ZFHX3: variants seen among roughly 807,000 people sequenced by gnomAD.
The protein encoded by ZFHX3 is zinc finger homeobox protein 3.
In ZFHX3, 42 loss-of-function variants were observed where a neutral mutation model predicts 279.1. The ratio of observed to expected loss-of-function variants is 0.15; its 90% confidence interval spans 0.12 to 0.19. The LOEUF (loss-of-function observed/expected upper bound fraction) is 0.19, where lower values mean the gene tolerates loss of function less well. Among genes scored for constraint, ZFHX3 ranks in the 10% least tolerant of loss-of-function variants. ZFHX3 has a pLI of 1.00. For synonymous variants in ZFHX3, 2,293 were observed against 1,957.8 expected, an observed-to-expected ratio of 1.17 and a Z score of -4.52; for missense variants, 4,981 against 4,754.0, an observed-to-expected ratio of 1.05 and a Z score of -1.40.
At chr16:73,483,617 G>T (rs1319259920) in intron 2 of ZFHX3, among the ~76,000 whole-genome samples, 1 of 152,060 alleles carries the variant, frequency 6.6e-6, no homozygotes, top group Non-Finnish European at 1.5e-5. Context: ...AAGGGAGAGT[G>T]GGGGGCGGGG....
chr16:73,157,809 C>G (rs1029067713), intron 5 of ZFHX3, among the ~76,000 whole-genome samples: 1 of 152,028 alleles, frequency 6.6e-6, no homozygotes, highest in Non-Finnish European at 1.5e-5. Context: ...TGTGGGCTGC[C>G]ATGGACGCCA....
At chr16:73,188,843 C>T (rs1043704204) in intron 5 of ZFHX3, among the ~76,000 whole-genome samples, 1 of 150,994 alleles carries the variant, frequency 6.6e-6, no homozygotes, top group African/African-American at 2.4e-5. Flanking sequence ...TACAGGGAGG[C>T]TAGCGTCTGG....
At chr16:73,428,425 T>C (rs2017849477) in intron 3 of ZFHX3, among the ~76,000 whole-genome samples, 1 of 152,070 alleles carries the variant, frequency 6.6e-6, no homozygotes, top group South Asian at 2.1e-4. Context: ...GACAATCTTA[T>C]TACCACAGAA....
chr16:73,090,577 C>T (rs761372672), intron 8 of ZFHX3, among the ~76,000 whole-genome samples: 2 of 151,686 alleles, frequency 1.3e-5, no homozygotes, highest in Admixed American at 6.6e-5. Flanking sequence ...GGAGGGAAAG[C>T]GGGCTGGATG....
intron 2 of ZFHX3, among the ~76,000 whole-genome samples, chr16:73,629,441 C>A (rs2052448000): frequency 2.0e-5 from 3 of 151,954 alleles, no homozygotes; most frequent in Non-Finnish European, 4.4e-5. Context: ...ACAAGCAATG[C>A]AACCTCTACA....
At chr16:73,767,632 T>C (rs573256909) in intron 1 of ZFHX3, among the ~76,000 whole-genome samples, 14 of 152,330 alleles carry the variant, frequency 9.2e-5, no homozygotes, top group African/African-American at 3.1e-4. Flanking sequence ...AAGAGAAATA[T>C]ATTACATAGT....
intron 2 of ZFHX3, among the ~76,000 whole-genome samples, chr16:73,667,467 T>G (rs2052855725): frequency 6.6e-6 from 1 of 152,252 alleles, no homozygotes; most frequent in Non-Finnish European, 1.5e-5. Context: ...GATACATATA[T>G]GTTTCAGTTT....
At chr16:73,568,407 T>G (rs2020479785) in intron 2 of ZFHX3, among the ~76,000 whole-genome samples, 1 of 152,192 alleles carries the variant, frequency 6.6e-6, no homozygotes, top group African/African-American at 2.4e-5. Context: ...CTGCCTTGTC[T>G]TAGCACACCT....
intron 5 of ZFHX3, among the ~76,000 whole-genome samples, chr16:73,184,031 AAAG>A (rs936414595): frequency 1.5e-4 from 23 of 152,278 alleles, no homozygotes; most frequent in African/African-American, 5.3e-4. Flanking sequence ...ATGTGTCTCT[AAAG>A]AAGAGGCCTG....
At chr16:73,485,849 C>A (rs1555520153) in intron 2 of ZFHX3, among the ~76,000 whole-genome samples, 1 of 152,154 alleles carries the variant, frequency 6.6e-6, no homozygotes, top group Non-Finnish European at 1.5e-5. Flanking sequence ...GTCTGACTTT[C>A]TTAGTCTGGG....
chr16:73,097,236 T>TTAA (rs1011840043), intron 7 of ZFHX3, among the ~76,000 whole-genome samples: 2 of 148,518 alleles, frequency 1.3e-5, no homozygotes, highest in African/African-American at 5.0e-5. Context: ...TTTTAATTTT[T>TTAA]TTTTTTTTTT....
chr16:73,864,403 A>G (rs557319431), intron 1 of ZFHX3, among the ~76,000 whole-genome samples: 2 of 152,298 alleles, frequency 1.3e-5, no homozygotes, highest in South Asian at 2.1e-4. Context: ...TGGAACAAAC[A>G]TTCACAAAAT....
At chr16:73,137,983 G>T (rs548438084) in intron 6 of ZFHX3, among the ~76,000 whole-genome samples, 11 of 152,070 alleles carry the variant, frequency 7.2e-5, no homozygotes, top group Non-Finnish European at 1.5e-4. Flanking sequence ...GCTTGTCATC[G>T]GAGAAAATCC....
intron 1 of ZFHX3, among the ~76,000 whole-genome samples, chr16:72,974,149 C>T (rs1346737992): frequency 6.6e-6 from 1 of 152,202 alleles, no homozygotes; most frequent in African/African-American, 2.4e-5. Context: ...GGAATGCAGG[C>T]AGAAGCAGCC....
At chr16:73,693,019 A>G (rs573175303) in intron 1 of ZFHX3, among the ~76,000 whole-genome samples, 2 of 152,330 alleles carry the variant, frequency 1.3e-5, no homozygotes, top group South Asian at 2.1e-4. Context: ...CAAGTTGTTC[A>G]ACAAGAAATT....
intron 3 of ZFHX3, chr16:73,421,000 A>G (rs1336510251): frequency 6.6e-6 from 1 of 152,264 alleles, no homozygotes; most frequent in Non-Finnish European, 1.5e-5. Context: ...ATAACGTAGT[A>G]TAAACAGAAC....
At chr16:73,249,512 A>C (rs563733707) in intron 5 of ZFHX3, among the ~76,000 whole-genome samples, 2 of 152,262 alleles carry the variant, frequency 1.3e-5, no homozygotes, top group African/African-American at 4.8e-5. Flanking sequence ...CCCCTTATAA[A>C]GTTATCAGAT....
chr16:73,659,934 G>A (rs1367218386), intron 2 of ZFHX3, among the ~76,000 whole-genome samples: 1 of 152,126 alleles, frequency 6.6e-6, no homozygotes, highest in Admixed American at 6.5e-5. Context: ...GAGCGAGGTT[G>A]GTCACTGTAA....
At position 73,017,918 on chromosome 16, in the gene ZFHX3, A is replaced by G. The variant is rs1964162377; in HGVS notation, c.-50+29834T>C. Among the ~76,000 whole-genome samples the G allele has an allele frequency of 2.0e-5, 3 of 151,992 alleles. No individual in the cohort carries two copies. In the South Asian group the frequency reaches 6.2e-4, roughly 32 times the overall value. On this transcript the variant is annotated intron_variant, in intron 1 of 9. Transcript: ENST00000268489. ...ACTTTTACTCTCTCCTCTTCAGAAAATGATTTCCTCCTTTTGGATGAAAAT... is the reference window on the plus strand; with the variant it reads ...ACTTTTACTCTCTCCTCTTCAGAAAGTGATTTCCTCCTTTTGGATGAAAAT...
Sources: gnomAD v4.1 joint callset for allele counts (sites outside exome capture counted in the v4.1 genomes callset) on GRCh38, gnomAD v4.1.1 for gene constraint, MANE v1.5 for transcripts, NCBI Gene and HGNC (gene_info 2026-07-23, HGNC 2026-07-21) for gene names.